ANKRD26: variants seen among roughly 807,000 people sequenced by gnomAD.
ANKRD26 encodes the protein ankyrin repeat domain 26.
Under a neutral mutation model 208.7 loss-of-function variants are expected in ANKRD26, and 141 were observed. That is an observed-to-expected ratio of 0.68 (90% CI 0.59 to 0.78). ANKRD26 has a LOEUF of 0.78. Ranked by LOEUF, ANKRD26 falls within the 30% of genes least tolerant of loss-of-function variation. ANKRD26 has a pLI of 0.00. For missense variants in ANKRD26, 1,889 were observed against 1,938.7 expected (o/e 0.97, Z 0.48); for synonymous variants, 636 against 660.4 (o/e 0.96, Z 0.57).
chr10:27,013,549 A>G (rs1035544442), intron 31 of ANKRD26, among the ~76,000 whole-genome samples: 3 of 152,234 alleles, frequency 2.0e-5, no homozygotes, highest in African/African-American at 7.2e-5. Flanking sequence ...TATATCAAAA[A>G]CATCATGTTT....
At chr10:26,971,962 G>A (rs994847934), downstream of ANKRD26, among the ~76,000 whole-genome samples, 9 of 152,004 alleles carry the variant, frequency 5.9e-5, no homozygotes, top group African/African-American at 1.4e-4. Context: ...GTGGCCGGGC[G>A]CAGTGGCTCA....
rs370197847 is a variant in ANKRD26, at chr10:27,093,538, C to A, written c.358-16G>T. 6.1e-5 allele frequency: 99 copies of A among 1,613,744 alleles called. No individual in the cohort carries two copies. The highest frequency in any genetic ancestry group is 7.9e-5 in the Non-Finnish European group (93 of 1,179,844). The stretch of plus-strand genomic sequence containing the variant: ...ATTGTACAGCCTGGGAGTATTAGAC[C>A]AAGAAACAGATCATAAATTCTAGGA... On this transcript the variant is annotated splice_polypyrimidine_tract_variant and intron_variant, in intron 2 of 33. Coordinates refer to ENST00000376087, the MANE Select transcript of ANKRD26 (RefSeq NM_014915.3).
intron 12 of ANKRD26, among the ~76,000 whole-genome samples, chr10:27,062,678 G>C (rs756504077): frequency 5.9e-5 from 9 of 152,018 alleles, no homozygotes; most frequent in Non-Finnish European, 8.8e-5. Flanking sequence ...TGGCTTCCTT[G>C]ATCTCTCCAT....
intron 19 of ANKRD26, among the ~76,000 whole-genome samples, 179 bp downstream of exon 19, chr10:27,043,978 A>G (rs2054353701): frequency 6.6e-6 from 1 of 151,888 alleles, no homozygotes; most frequent in South Asian, 2.1e-4. Flanking sequence ...ATTCTTGTAG[A>G]GACAGGGCTC....
chr10:27,098,487 G>A (rs529295978), intron 1 of ANKRD26, among the ~76,000 whole-genome samples: 3 of 151,924 alleles, frequency 2.0e-5, no homozygotes, highest in South Asian at 4.2e-4. Context: ...CATACTCATT[G>A]CAGAAATCAT....
chr10:26,978,921 C>A (rs1483045654), intron 5 of ANKRD26, among the ~76,000 whole-genome samples: 2 of 152,046 alleles, frequency 1.3e-5, no homozygotes, highest in Admixed American at 1.3e-4. Flanking sequence ...CCTACACCAA[C>A]TTAGAAATAA....
the ANKRD26 span, among the ~76,000 whole-genome samples, chr10:26,959,367 G>A: frequency 1.3e-5 from 2 of 151,842 alleles, no homozygotes; most frequent in Non-Finnish European, 2.9e-5. Context: ...CTCACAAAAT[G>A]ACAATATCAA....
At chr10:27,094,117 T>C (rs924410086) in intron 1 of ANKRD26, among the ~76,000 whole-genome samples, 2 of 152,128 alleles carry the variant, frequency 1.3e-5, no homozygotes, top group Non-Finnish European at 2.9e-5. Flanking sequence ...CACTTCTCCT[T>C]GCTGACACCA....
chr10:26,959,705 C>A, the ANKRD26 span, among the ~76,000 whole-genome samples: 1 of 150,836 alleles, frequency 6.6e-6, no homozygotes, highest in African/African-American at 2.5e-5. Flanking sequence ...GTCTCGAACT[C>A]CTGACCTCAA....
chr10:27,086,761 C>CTTTTTTTTTTTTTTTTTTTTTT (rs1255812481), intron 4 of ANKRD26, 152 bp from the exon 5 acceptor site: 1 of 376,062 alleles, frequency 2.7e-6, no homozygotes, highest in African/African-American at 2.9e-5. Flanking sequence ...GCTCTACAAA[C>CTTTTTTTTTTTTTTTTTTTTTT]TTTTTTGTTT....
chr10:26,985,030 A>G (rs926792367), intron 3 of ANKRD26, among the ~76,000 whole-genome samples: 5 of 152,158 alleles, frequency 3.3e-5, no homozygotes, highest in Non-Finnish European at 7.4e-5. Flanking sequence ...ATTTTTTCAC[A>G]TAGGATTTTT....
intron 15 of ANKRD26, 142 bp from the exon 16 acceptor site, chr10:27,053,532 C>G: frequency 1.8e-6 from 1 of 558,604 alleles, no homozygotes; most frequent in Non-Finnish European, 2.9e-6. Context: ...GAGACAGGGC[C>G]TTACTCTGTC....
chr10:27,082,074 AGGG>A (rs1437974814), intron 6 of ANKRD26, among the ~76,000 whole-genome samples: 1 of 38,710 alleles, frequency 2.6e-5, no homozygotes, highest in Admixed American at 2.4e-4. Context: ...AAAAAAAAAA[AGGG>A]AGAGAGAGAA....
downstream of ANKRD26, among the ~76,000 whole-genome samples, chr10:26,972,685 G>C (rs565049299): frequency 4.0e-5 from 6 of 150,118 alleles, no homozygotes; most frequent in Middle Eastern, 3.5e-3. Flanking sequence ...CCGCCTCCCA[G>C]GTTGACGCCA....
At chr10:27,002,357 C>T (rs1260333941), downstream of ANKRD26, among the ~76,000 whole-genome samples, 2 of 152,208 alleles carry the variant, frequency 1.3e-5, no homozygotes, top group African/African-American at 4.8e-5. Context: ...GAATTCCCAA[C>T]TGGGGCCCCA....
chr10:27,036,054 A>G (rs2054032897), intron 23 of ANKRD26, among the ~76,000 whole-genome samples: 1 of 152,094 alleles, frequency 6.6e-6, no homozygotes, highest in South Asian at 2.1e-4. Flanking sequence ...AAAAGCATAA[A>G]AGATTAATAA....
chr10:26,992,062 T>C (rs966432801), intron 5 of ANKRD26: 2 of 152,216 alleles, frequency 1.3e-5, no homozygotes, highest in Admixed American at 1.3e-4. Flanking sequence ...ATAACTGTTT[T>C]AGGGTAAAGA....
intron 28 of ANKRD26, among the ~76,000 whole-genome samples, chr10:27,023,814 G>T (rs925378031): frequency 3.9e-5 from 6 of 152,146 alleles, no homozygotes; most frequent in Non-Finnish European, 8.8e-5. Context: ...AATCTGGATA[G>T]TAGAAACATG....
intron 4 of ANKRD26, among the ~76,000 whole-genome samples, chr10:26,982,323 G>A (rs550784030): frequency 6.6e-6 from 1 of 152,270 alleles, no homozygotes; most frequent in African/African-American, 2.4e-5. Flanking sequence ...AACCAAATAG[G>A]AGGCGGGTTG....
Sources: allele counts gnomAD v4.1 joint callset (sites outside exome capture counted in the v4.1 genomes callset), GRCh38; gene constraint gnomAD v4.1.1; transcripts MANE v1.5; gene names NCBI Gene and HGNC (gene_info 2026-07-23, HGNC 2026-07-21).